The following RAI1 variants were observed in gnomAD, a reference collection of about 807,000 sequenced individuals.
RAI1 encodes the protein retinoic acid-induced protein 1.
RAI1 carries 9 observed loss-of-function variants against 123.8 expected under a neutral mutation model. That is an observed-to-expected ratio of 0.07 (90% CI 0.04 to 0.13). The LOEUF (loss-of-function observed/expected upper bound fraction) is 0.13. Ranked by LOEUF, RAI1 falls within the 10% of genes least tolerant of loss-of-function variation. The probability of loss-of-function intolerance (pLI) is 1.00; values close to 1 mark genes in which losing one functional copy is unlikely to be tolerated. For missense variants in RAI1, 2,256 were observed against 2,545.8 expected (o/e 0.89, Z 2.45); for synonymous variants, 1,231 against 1,127.3 (o/e 1.09, Z -1.84).
chr17:17,759,087 C>T (rs949148450), intron 2 of RAI1: 2 of 152,190 alleles, frequency 1.3e-5, no homozygotes, highest in African/African-American at 4.8e-5. Flanking sequence ...GATACCAAGG[C>T]CTGCGCAGGT....
chr17:17,763,422 A>G (rs1235190825), intron 2 of RAI1, among the ~76,000 whole-genome samples: 1 of 152,230 alleles, frequency 6.6e-6, no homozygotes, highest in Non-Finnish European at 1.5e-5. Context: ...ACAATTGACC[A>G]CTGATACACG....
At position 17,808,386 on chromosome 17, in the gene RAI1, ATTATT is replaced by A. The variant is rs151001882; in HGVS notation, c.5660-978_5660-974del. On this transcript the variant is annotated intron_variant, in intron 4 of 5. Transcript: ENST00000353383. Reference sequence around the variant, plus strand: ...TTTATTTTATTTTATATTTTATTTTATTATTTTATTTTATTTTATTTTATTTTATT... The same window carrying A: ...TTTATTTTATTTTATATTTTATTTTATTATTTTATTTTATTTTATTTTATT... Among the ~76,000 whole-genome samples the A allele has an allele frequency of 5.4e-3, 709 of 130,116 alleles. 14 individuals are homozygous for A. The highest frequency in any genetic ancestry group is 0.02 in the African/African-American group (593 of 30,094). The allele number at this position is 130,116 out of a possible 152,430, so 85.4% of individuals were successfully genotyped here.
chr17:17,697,010 A>C (rs1233186435), intron 1 of RAI1, among the ~76,000 whole-genome samples: 1 of 152,200 alleles, frequency 6.6e-6, no homozygotes, highest in Non-Finnish European at 1.5e-5. Context: ...GCTTGGCACC[A>C]GCACAGCCTC....
In RAI1 at chr17:17,793,611, C is replaced by A. The variant is rs897018472; in HGVS notation, c.663C>A (p.Thr221=). 1.2e-6 allele frequency: 2 copies of A among 1,613,382 alleles called. No individual in the cohort carries two copies. Among genetic ancestry groups the A allele is most frequent in the African/African-American group, 2.7e-5 (2 of 74,914 alleles). Residue 221 remains threonine, a synonymous_variant, in exon 3 of 6, where the codon ACC becomes ACA. Transcript: ENST00000353383. ...CCCAGTCCTTCCCCACCTCCTCCAC[C>A]TACTCCTCCTCTGTCCAGGGTGGTG... ...QHSQSFPTSS[T]YSSSVQGGGQ...
At chr17:17,745,326 AC>A (rs1916788351) in intron 2 of RAI1, among the ~76,000 whole-genome samples, 1 of 151,526 alleles carries the variant, frequency 6.6e-6, no homozygotes, top group South Asian at 2.1e-4. Context: ...GTAGGGAGCC[AC>A]CAAGGGGTTC....
In RAI1 at chr17:17,702,848, T is replaced by G. The variant is rs138821480; in HGVS notation, c.-149+21055T>G. ...GGGTGAGGAGTGAGCTCAAAGTCAC[T>G]CATCTCCGAGGTGGCAAAATTAAGC... On this transcript the variant is annotated intron_variant, in intron 1 of 5. Transcript: ENST00000353383. Among the ~76,000 whole-genome samples the G allele has an allele frequency of 3.1e-4, 47 of 152,288 alleles. No individual in the cohort carries two copies. In the East Asian group the frequency reaches 5.2e-3, roughly 17 times the overall value.
In RAI1 at chr17:17,748,042, C is replaced by T. The variant is rs547686081; in HGVS notation, c.-17+23883C>T. On this transcript the variant is annotated intron_variant, in intron 2 of 5. Coordinates refer to ENST00000353383, the MANE Select transcript of RAI1 (RefSeq NM_030665.4). ...TCGTGCGACTGCACTCCAGCCTGGGCGACAGAGCAAGACCAGTTCTACCTG... is the reference window on the plus strand; with the variant it reads ...TCGTGCGACTGCACTCCAGCCTGGGTGACAGAGCAAGACCAGTTCTACCTG... 1.5e-4 allele frequency among the ~76,000 whole-genome samples: 23 copies of T among 152,308 alleles called. No individual in the cohort carries two copies. In the East Asian group the frequency reaches 1.5e-3, roughly 10 times the overall value.
At chr17:17,753,950 A>G (rs1019727295) in intron 2 of RAI1, among the ~76,000 whole-genome samples, 1 of 152,182 alleles carries the variant, frequency 6.6e-6, no homozygotes, top group Non-Finnish European at 1.5e-5. Flanking sequence ...TCAACTTTGC[A>G]TTGGATCTCA....
chr17:17,786,358 ATTG>A (rs1307744568), intron 2 of RAI1, among the ~76,000 whole-genome samples: 1 of 152,222 alleles, frequency 6.6e-6, no homozygotes, highest in East Asian at 1.9e-4. Context: ...GTAAATATTT[ATTG>A]TTCTGGACAA....
intron 1 of RAI1, among the ~76,000 whole-genome samples, chr17:17,698,489 C>A (rs538192867): frequency 2.0e-5 from 3 of 152,190 alleles, no homozygotes; most frequent in Non-Finnish European, 2.9e-5. Context: ...CCCCTCCCCC[C>A]ACACCCCTTT....
chr17:17,753,498 GGTATATACATT>G (rs900322131), intron 2 of RAI1, among the ~76,000 whole-genome samples: 9 of 152,100 alleles, frequency 5.9e-5, no homozygotes, highest in Middle Eastern at 3.2e-3. Context: ...TGATCTCTGG[GGTATATACATT>G]GTTTCCTCAC....
At chr17:17,745,050 A>AC (rs1916780374) in intron 2 of RAI1, among the ~76,000 whole-genome samples, 1 of 151,628 alleles carries the variant, frequency 6.6e-6, no homozygotes, top group African/African-American at 2.4e-5. Context: ...CTGATAAATG[A>AC]CCCCTCCATG....
chr17:17,785,668 C>T (rs1026811340), intron 2 of RAI1, among the ~76,000 whole-genome samples: 1 of 152,230 alleles, frequency 6.6e-6, no homozygotes, highest in African/African-American at 2.4e-5. Flanking sequence ...CCCCTCCTCT[C>T]TGCACCTCCT....
rs536170168 is a variant in RAI1 at position 17,753,235 on chromosome 17, G to C, written c.-17+29076G>C. ...AAGGCAGGGTCACAGACACAGGCTGGAGGGGCCTGGAGTGAGGGCTGCTCA... is the reference window on the plus strand; with the variant it reads ...AAGGCAGGGTCACAGACACAGGCTGCAGGGGCCTGGAGTGAGGGCTGCTCA... On this transcript the variant is annotated intron_variant, in intron 2 of 5. Transcript: ENST00000353383. 2.6e-5 allele frequency among the ~76,000 whole-genome samples: 4 copies of C among 152,332 alleles called. No homozygotes were observed. In the South Asian group the frequency reaches 8.3e-4, roughly 32 times the overall value.
rs1321846665 is a variant in RAI1 at position 17,738,692 on chromosome 17, C to T, written c.-17+14533C>T. On this transcript the variant is annotated intron_variant, in intron 2 of 5. Transcript: ENST00000353383. Reference sequence around the variant, plus strand: ...GCTTGCAGCTGTGTGTGTCTGAGCTCAGGCAACCCAGGCACCACACAGGAA... The same window carrying T: ...GCTTGCAGCTGTGTGTGTCTGAGCTTAGGCAACCCAGGCACCACACAGGAA... 2.0e-5 allele frequency among the ~76,000 whole-genome samples: 3 copies of T among 152,210 alleles called. No individual in the cohort carries two copies. In the East Asian group the frequency reaches 5.8e-4, roughly 29 times the overall value.
intron 2 of RAI1, among the ~76,000 whole-genome samples, chr17:17,746,575 C>T (rs1336556285): frequency 6.6e-6 from 1 of 151,830 alleles, no homozygotes; most frequent in Non-Finnish European, 1.5e-5. Context: ...GCTGCTGGGG[C>T]AAAAGCCATC....
intron 1 of RAI1, among the ~76,000 whole-genome samples, chr17:17,700,658 A>G (rs111951069): frequency 0.094 from 14,291 of 152,094 alleles, 1,611 homozygotes; most frequent in African/African-American, 0.27. Context: ...AGAGGAGAGC[A>G]GCGGGGCCTC....
intron 1 of RAI1, among the ~76,000 whole-genome samples, chr17:17,704,648 C>T (rs1598023040): frequency 6.6e-6 from 1 of 152,322 alleles, no homozygotes; most frequent in East Asian, 1.9e-4. Flanking sequence ...ATGCATAGTC[C>T]TGACATCAGG....
At chr17:17,789,988 C>T (rs1232142707) in intron 2 of RAI1, among the ~76,000 whole-genome samples, 1 of 152,168 alleles carries the variant, frequency 6.6e-6, no homozygotes. Context: ...GCCACTTCTT[C>T]CCTGCCCCCA....
Sources: gnomAD v4.1 joint callset for allele counts (sites outside exome capture counted in the v4.1 genomes callset) on GRCh38, gnomAD v4.1.1 for gene constraint, MANE v1.5 for transcripts, NCBI Gene and HGNC (gene_info 2026-07-23, HGNC 2026-07-21) for gene names.